DLGAP2: variants seen among roughly 807,000 people sequenced by gnomAD.
DLGAP2 encodes the protein disks large-associated protein 2.
A neutral mutation model predicts 100.3 loss-of-function variants in DLGAP2; 26 were observed. The ratio of observed to expected loss-of-function variants is 0.26; its 90% CI spans 0.19 to 0.36. The LOEUF (loss-of-function observed/expected upper bound fraction) is 0.36. DLGAP2 is among the 10% of genes least tolerant of loss of function. The pLI is 1.00. For synonymous variants in DLGAP2, 886 were observed against 630.1 expected (o/e 1.41, Z -6.08); for missense variants, 1,858 against 1,453.2 (o/e 1.28, Z -4.53).
At chr8:1,347,807 G>C (rs1348377547) in intron 3 of DLGAP2, among the ~76,000 whole-genome samples, 2 of 151,522 alleles carry the variant, frequency 1.3e-5, no homozygotes, top group East Asian at 3.9e-4. Context: ...TTCCTATACA[G>C]AGCTACATTG....
chr8:1,457,370 A>C (rs1378298342), intron 3 of DLGAP2, among the ~76,000 whole-genome samples: 1 of 152,176 alleles, frequency 6.6e-6, no homozygotes, highest in African/African-American at 2.4e-5. Flanking sequence ...TCCTGCTCTA[A>C]AATGAAACTC....
intron 4 of DLGAP2, among the ~76,000 whole-genome samples, chr8:1,504,718 G>C (rs1799845976): frequency 1.3e-5 from 2 of 152,186 alleles, no homozygotes; most frequent in Non-Finnish European, 2.9e-5. Context: ...CAAATGCTAG[G>C]ATTTCTCACT....
intron 2 of DLGAP2, among the ~76,000 whole-genome samples, chr8:1,113,065 G>T (rs1805010672): frequency 6.6e-6 from 1 of 152,142 alleles, no homozygotes; most frequent in Admixed American, 6.5e-5. Context: ...TGGTCTGTGT[G>T]TCTGTTTTTG....
chr8:933,428 C>T (rs1030877710), intron 2 of DLGAP2, among the ~76,000 whole-genome samples: 3 of 130,050 alleles, frequency 2.3e-5, no homozygotes, highest in Non-Finnish European at 4.8e-5. Flanking sequence ...CTGCAGTGGA[C>T]ATCTGGCTGT....
At chr8:1,533,265 G>A (rs532129656) in intron 4 of DLGAP2, among the ~76,000 whole-genome samples, 5 of 152,188 alleles carry the variant, frequency 3.3e-5, no homozygotes, top group South Asian at 2.1e-4. Context: ...TTGGGAGGCC[G>A]AGGTGGGCAG....
intron 2 of DLGAP2, among the ~76,000 whole-genome samples, chr8:1,108,854 G>T (rs13282218): frequency 1.5e-5 from 2 of 131,620 alleles, no homozygotes; most frequent in African/African-American, 5.9e-5. Flanking sequence ...GGGTCTGTGA[G>T]GTGTGCACGG....
At chr8:1,282,966 T>C (rs369547488) in intron 3 of DLGAP2, among the ~76,000 whole-genome samples, 21 of 87,676 alleles carry the variant, frequency 2.4e-4, no homozygotes, top group Admixed American at 4.1e-4. Context: ...CTGAACCATC[T>C]GGACGTGGTG....
intron 1 of DLGAP2, among the ~76,000 whole-genome samples, chr8:802,353 C>T (rs766667795): frequency 6.6e-6 from 1 of 152,272 alleles, no homozygotes; most frequent in Non-Finnish European, 1.5e-5. Flanking sequence ...GGTCCCCCCA[C>T]CTCAGGCCAC....
chr8:865,263 T>C (rs1797472396), intron 1 of DLGAP2, among the ~76,000 whole-genome samples: 1 of 152,242 alleles, frequency 6.6e-6, no homozygotes, highest in African/African-American at 2.4e-5. Context: ...TAGCTGTTTC[T>C]GTTAAATTCC....
rs188373153 is a variant in DLGAP2, at chr8:1,071,065, C to T, written c.73+163099C>T. On this transcript the variant is annotated intron_variant, in intron 2 of 14. Coordinates refer to ENST00000637795, the MANE Select transcript of DLGAP2 (RefSeq NM_001346810.2). ...TGAGCAGAATGAGGGTCCTGTGTTTCGGGGGCGACCCGGGCCTCTCTCTCC... is the reference window on the plus strand; with the variant it reads ...TGAGCAGAATGAGGGTCCTGTGTTTTGGGGGCGACCCGGGCCTCTCTCTCC... Among the ~76,000 whole-genome samples, 8 of 152,274 alleles carry T rather than the reference C, an allele frequency of 5.3e-5. 1 individual carries two copies. Among genetic ancestry groups the T allele is most frequent in the East Asian group, 3.9e-4 (2 of 5,168 alleles).
At chr8:1,387,706 G>A (rs188662210) in intron 3 of DLGAP2, among the ~76,000 whole-genome samples, 4 of 152,326 alleles carry the variant, frequency 2.6e-5, no homozygotes, top group Non-Finnish European at 5.9e-5. Flanking sequence ...GGTGGTTGGT[G>A]ACTGGTAGGG....
chr8:953,194 T>C (rs1799521916), intron 2 of DLGAP2, among the ~76,000 whole-genome samples: 1 of 151,920 alleles, frequency 6.6e-6, no homozygotes, highest in African/African-American at 2.4e-5. Context: ...GTTTCTTTTT[T>C]TTCTTTTTTC....
intron 3 of DLGAP2, among the ~76,000 whole-genome samples, chr8:1,337,321 A>G (rs1234394288): frequency 2.6e-5 from 1 of 37,876 alleles, no homozygotes; most frequent in South Asian, 1.0e-3. Flanking sequence ...GATGGTGAGA[A>G]TGATGGTGAT....
At chr8:1,589,305 C>T (rs1796220448) in intron 6 of DLGAP2, among the ~76,000 whole-genome samples, 2 of 152,324 alleles carry the variant, frequency 1.3e-5, no homozygotes, top group African/African-American at 2.4e-5. Flanking sequence ...CCTTGTATTG[C>T]AGTTACCATA....
chr8:1,464,252 GGCT>G (rs1798548049), intron 3 of DLGAP2, among the ~76,000 whole-genome samples: 1 of 33,982 alleles, frequency 2.9e-5, no homozygotes, highest in Non-Finnish European at 5.4e-5. Flanking sequence ...CTTCCAGGAC[GGCT>G]CCCTTCCAGG....
rs116866037 is a variant in DLGAP2 at position 984,511 on chromosome 8, G to T, written c.73+76545G>T. On this transcript the variant is annotated intron_variant, in intron 2 of 14. Transcript: ENST00000637795. ...TGTGGGGATGGTCAGCTTGGCCCACGCTCCTGGCCACAGACCAAACCACGG... is the reference window on the plus strand; with the variant it reads ...TGTGGGGATGGTCAGCTTGGCCCACTCTCCTGGCCACAGACCAAACCACGG... 9.2e-5 allele frequency among the ~76,000 whole-genome samples: 14 copies of T among 152,266 alleles called. No homozygotes were observed. The East Asian group carries it at 1.9e-3, about 21-fold the overall frequency.
intron 2 of DLGAP2, among the ~76,000 whole-genome samples, chr8:1,026,243 G>A (rs1801797065): frequency 2.6e-5 from 4 of 152,286 alleles, no homozygotes; most frequent in South Asian, 2.1e-4. Flanking sequence ...GCCGTCTTCC[G>A]AAGCTTCTCT....
At chr8:1,341,584 C>A (rs1480254650) in intron 3 of DLGAP2, among the ~76,000 whole-genome samples, 2 of 152,150 alleles carry the variant, frequency 1.3e-5, no homozygotes, top group East Asian at 1.9e-4. Context: ...GTGGCTGACC[C>A]CGTACAAAAG....
At chr8:1,197,087 C>G (rs562046079) in intron 2 of DLGAP2, among the ~76,000 whole-genome samples, 6 of 152,248 alleles carry the variant, frequency 3.9e-5, no homozygotes, top group African/African-American at 1.4e-4. Flanking sequence ...CCTTTCTCCA[C>G]CTTTTTGTTC....
Sources: allele counts gnomAD v4.1 joint callset (sites outside exome capture counted in the v4.1 genomes callset), GRCh38; gene constraint gnomAD v4.1.1; transcripts MANE v1.5; gene names NCBI Gene and HGNC (gene_info 2026-07-23, HGNC 2026-07-21).